NT5DC3: variants seen among roughly 807,000 people sequenced by gnomAD.
NT5DC3 encodes 5'-nucleotidase domain containing 3.
NT5DC3 carries 42 observed loss-of-function variants against 67.8 expected under a neutral mutation model. The observed-to-expected ratio is 0.62, with a 90% CI of 0.48 to 0.80. The LOEUF is 0.80. NT5DC3 is among the 30% of genes least tolerant of loss of function. The pLI, the probability that NT5DC3 is intolerant of heterozygous loss-of-function variation, is 0.00. For missense variants in NT5DC3, 570 were observed against 696.4 expected (o/e 0.82, Z 2.04); for synonymous variants, 237 against 255.6 (o/e 0.93, Z 0.69).
At chr12:103,749,841 C>CAGAAAA in the NT5DC3 span, among the ~76,000 whole-genome samples, 1 of 51,132 alleles carries the variant, frequency 2.0e-5, no homozygotes, top group Non-Finnish European at 3.5e-5. Context: ...CTCTGTCTCA[C>CAGAAAA]AAAAAAAAAA....
the NT5DC3 span, among the ~76,000 whole-genome samples, chr12:103,753,629 A>G: frequency 6.6e-6 from 1 of 152,246 alleles, no homozygotes; most frequent in African/African-American, 2.4e-5. Context: ...AGATAGGGAA[A>G]CTGAGGCTTA....
At chr12:103,823,300 A>C (rs1025129555) in intron 1 of NT5DC3, among the ~76,000 whole-genome samples, 11 of 151,878 alleles carry the variant, frequency 7.2e-5, no homozygotes, top group Admixed American at 2.6e-4. Flanking sequence ...GAATCTCCCC[A>C]GTGCTCAGTC....
At chr12:103,801,570 A>G (rs979466222) in intron 4 of NT5DC3, among the ~76,000 whole-genome samples, 1 of 151,596 alleles carries the variant, frequency 6.6e-6, no homozygotes, top group African/African-American at 2.4e-5. Context: ...TTTAGGAGAG[A>G]CGGGGTTTCA....
intron 1 of NT5DC3, among the ~76,000 whole-genome samples, chr12:103,825,472 C>T (rs1437273608): frequency 6.6e-6 from 1 of 152,134 alleles, no homozygotes; most frequent in Non-Finnish European, 1.5e-5. Flanking sequence ...AAAGTACATT[C>T]AGCTTCAGGG....
At chr12:103,833,966 T>C (rs1888040312) in intron 1 of NT5DC3, among the ~76,000 whole-genome samples, 1 of 152,194 alleles carries the variant, frequency 6.6e-6, no homozygotes, top group Admixed American at 6.5e-5. Context: ...TTAGAATTCA[T>C]TTTAGAACGA....
At chr12:103,767,820 T>C (rs187120233), downstream of NT5DC3, among the ~76,000 whole-genome samples, 15 of 152,028 alleles carry the variant, frequency 9.9e-5, no homozygotes, top group African/African-American at 3.4e-4. Flanking sequence ...TGGTGGCTCA[T>C]GCCTGTAATC....
Position 103,785,696 on chromosome 12 carries a change from C to T in NT5DC3, c.1189-221G>A, listed in dbSNP as rs142036507. The stretch of plus-strand genomic sequence containing the variant: ...AAGTTTCAGTTCTGGAAATAATTGC[C>T]GTGAGTCACAACCCCTGCAGAAACA... On this transcript the variant is annotated intron_variant, in intron 11 of 13. Coordinates refer to ENST00000392876, the MANE Select transcript of NT5DC3 (RefSeq NM_001031701.3). The T allele has an allele frequency of 1.2e-3, 764 of 621,202 alleles. 2 individuals are homozygous for T. The African/African-American group carries it at 0.014, about 11-fold the overall frequency. The allele number at this position is 621,202 out of a possible 1,614,324, so 38.5% of individuals were successfully genotyped here.
At chr12:103,832,194 G>A (rs1425157525) in intron 1 of NT5DC3, among the ~76,000 whole-genome samples, 1 of 151,832 alleles carries the variant, frequency 6.6e-6, no homozygotes, top group Admixed American at 6.6e-5. Context: ...TATACAAAAA[G>A]GTTTTTAGAC....
At chr12:103,753,177 C>A in the NT5DC3 span, 4 of 1,607,846 alleles carry the variant, frequency 2.5e-6, no homozygotes, top group South Asian at 4.4e-5. Context: ...ACACTGCCAA[C>A]CTGGTGGGCT....
chr12:103,806,467 A>T (rs1886804884), intron 3 of NT5DC3, 90 bp from the exon 4 acceptor site: 1 of 897,184 alleles, frequency 1.1e-6, no homozygotes, highest in Non-Finnish European at 1.8e-6. Context: ...ATATCCTATC[A>T]ACATTAGGCT....
rs118034168 is a variant in NT5DC3, at chr12:103,824,260, A to C, written c.209-9139T>G. 7.4e-3 allele frequency among the ~76,000 whole-genome samples: 1,129 copies of C among 152,348 alleles called. 6 individuals carry two copies. Among genetic ancestry groups the C allele is most frequent in the Non-Finnish European group, 0.013 (889 of 68,026 alleles). On this transcript the variant is annotated intron_variant, in intron 1 of 13. Transcript: ENST00000392876. The stretch of plus-strand genomic sequence containing the variant: ...TAACTGTTAGACCTTAAAGAGATTT[A>C]AATTTTTACCCAGAAACTGTTTTCT...
intron 1 of NT5DC3, among the ~76,000 whole-genome samples, chr12:103,821,109 T>C (rs1291555051): frequency 6.6e-6 from 1 of 152,194 alleles, no homozygotes; most frequent in Non-Finnish European, 1.5e-5. Flanking sequence ...ATCATGGAGA[T>C]ATGATACAGG....
chr12:103,757,030 T>TATAA, the NT5DC3 span, among the ~76,000 whole-genome samples: 3 of 143,062 alleles, frequency 2.1e-5, no homozygotes, highest in East Asian at 4.1e-4. Flanking sequence ...TATATATATA[T>TATAA]AAAATATATA....
chr12:103,834,146 T>C (rs1158201862), intron 1 of NT5DC3, among the ~76,000 whole-genome samples: 2 of 152,106 alleles, frequency 1.3e-5, no homozygotes, highest in Admixed American at 6.5e-5. Context: ...CAAACATCCC[T>C]TGGGGAACAA....
intron 4 of NT5DC3, among the ~76,000 whole-genome samples, chr12:103,805,176 T>G (rs1210084860): frequency 4.0e-5 from 6 of 151,082 alleles, no homozygotes; most frequent in Non-Finnish European, 1.5e-5. Context: ...ACTGGAGAAG[T>G]GGGAGGAGGT....
chr12:103,774,954 T>G lies in NT5DC3; in HGVS notation c.*2875A>C, dbSNP rs566502688. The G allele has an allele frequency of 6.8e-6, 1 of 146,232 alleles. No homozygotes were observed. Among genetic ancestry groups the G allele is most frequent in the South Asian group, 2.2e-4 (1 of 4,616 alleles). The allele number at this position is 146,232 out of a possible 1,614,324, so 9.1% of individuals were successfully genotyped here. A position where few individuals can be genotyped will look rare whatever the true frequency, so the allele number is the denominator to read the frequency against. On this transcript the variant is annotated 3_prime_UTR_variant, in exon 14 of 14. Coordinates refer to ENST00000392876, the MANE Select transcript of NT5DC3 (RefSeq NM_001031701.3). Reference sequence around the variant, plus strand: ...GAACCTGGGAGGCAAGAGGTTGCAGTGAGCCGAGATCACACCACTGCACTC... The same window carrying G: ...GAACCTGGGAGGCAAGAGGTTGCAGGGAGCCGAGATCACACCACTGCACTC...
At chr12:103,778,183 T>A (rs1487256759) in intron 13 of NT5DC3, 102 bp from the exon 14 acceptor site, 238 of 943,984 alleles carry the variant, frequency 2.5e-4, no homozygotes, top group African/African-American at 9.2e-4. Context: ...AAAAAAAAAA[T>A]AGGACTCATT....
chr12:103,787,732 T>C (rs1188747755), intron 10 of NT5DC3, among the ~76,000 whole-genome samples: 1 of 152,224 alleles, frequency 6.6e-6, no homozygotes, highest in East Asian at 1.9e-4. Context: ...TACACCTCAC[T>C]GTAACTATCT....
At chr12:103,755,468 G>C in the NT5DC3 span, 70 of 1,613,638 alleles carry the variant, frequency 4.3e-5, no homozygotes, top group Non-Finnish European at 5.8e-5. Context: ...CGGATGAAAG[G>C]TAACCGCCCC....
Sources: gnomAD v4.1 joint callset for allele counts (sites outside exome capture counted in the v4.1 genomes callset) on GRCh38, gnomAD v4.1.1 for gene constraint, MANE v1.5 for transcripts, NCBI Gene and HGNC (gene_info 2026-07-23, HGNC 2026-07-21) for gene names.